The following ASCC3 variants were observed in gnomAD, a reference collection of about 807,000 sequenced individuals.
ASCC3 encodes the protein activating signal cointegrator 1 complex subunit 3, also known as ASC-1 complex subunit P200.
In ASCC3, 158 loss-of-function variants were observed where a neutral mutation model predicts 256.3. The ratio of observed to expected loss-of-function variants is 0.62; its 90% confidence interval spans 0.54 to 0.70. The LOEUF is 0.70. ASCC3 is among the 30% of genes least tolerant of loss of function. The pLI, the probability that ASCC3 is intolerant of heterozygous loss-of-function variation, is 0.00. For synonymous variants in ASCC3, 948 were observed against 883.4 expected, an observed-to-expected ratio of 1.07 and a Z score of -1.30; for missense variants, 2,259 against 2,626.0, an observed-to-expected ratio of 0.86 and a Z score of 3.05.
At chr6:100,802,510 C>T (rs1031364783) in intron 5 of ASCC3, among the ~76,000 whole-genome samples, 2 of 151,970 alleles carry the variant, frequency 1.3e-5, no homozygotes, top group South Asian at 4.1e-4. Flanking sequence ...TATAAATTAC[C>T]CAGTCTCAGG....
Position 100,509,930 on chromosome 6 carries a change from A to C in ASCC3, c.6461+2T>G. ...GAACTTTGGTAGTAGGATTCTTCTT[A>C]CCTTCCAGGTATTTCAGGGGTATAA... On this transcript the variant is annotated splice_donor_variant, in intron 41 of 41. Coordinates refer to ENST00000369162, the MANE Select transcript of ASCC3 (RefSeq NM_006828.4). LOFTEE classifies it high-confidence loss of function. 1 of 1,612,072 alleles carries C rather than the reference A, an allele frequency of 6.2e-7. No individual in the cohort carries two copies. Among genetic ancestry groups the C allele is most frequent in the Non-Finnish European group, 8.5e-7 (1 of 1,178,572 alleles).
chr6:100,573,553 A>C (rs1353428913), intron 36 of ASCC3, among the ~76,000 whole-genome samples: 1 of 152,100 alleles, frequency 6.6e-6, no homozygotes, highest in Non-Finnish European at 1.5e-5. Flanking sequence ...AAATCTAAAC[A>C]ATGTTCTACT....
rs117296907 is a variant in ASCC3, at chr6:100,603,160, T to C, written c.5178-1225A>G. ...AAACTGGAAATTCTCTAGGTGCACA[T>C]TAATAGAGAAATGAATAAATAAATT... On this transcript the variant is annotated intron_variant, in intron 33 of 41. Transcript: ENST00000369162. Among the ~76,000 whole-genome samples, 183 of 152,056 alleles carry C rather than the reference T, an allele frequency of 1.2e-3. 1 individual carries two copies. The highest frequency in any genetic ancestry group is 2.1e-3 in the Non-Finnish European group (141 of 67,936).
rs1255326268 is a variant in ASCC3 at position 100,655,690 on chromosome 6, G to T, written c.2823+9C>A. ...TCTGAATTTTTTTTTTAATAAATGA[G>T]TTTTCTACCTGATAAGCCTTGTGAC... On this transcript the variant is annotated intron_variant, in intron 17 of 41. Coordinates refer to ENST00000369162, the MANE Select transcript of ASCC3 (RefSeq NM_006828.4). 1 of 1,608,722 alleles carries T rather than the reference G, an allele frequency of 6.2e-7. No individual in the cohort carries two copies.
At chr6:100,839,781 A>C (rs1772050545) in intron 4 of ASCC3, among the ~76,000 whole-genome samples, 1 of 152,180 alleles carries the variant, frequency 6.6e-6, no homozygotes, top group African/African-American at 2.4e-5. Flanking sequence ...CCCTTCTTCC[A>C]TATACAGCTC....
chr6:100,698,013 A>T (rs1177839288), intron 13 of ASCC3, among the ~76,000 whole-genome samples: 1 of 152,160 alleles, frequency 6.6e-6, no homozygotes, highest in Non-Finnish European at 1.5e-5. Flanking sequence ...AATTCCAGAA[A>T]TCACTGATTA....
At chr6:100,718,647 C>A (rs766342882) in intron 11 of ASCC3, among the ~76,000 whole-genome samples, 1 of 151,952 alleles carries the variant, frequency 6.6e-6, no homozygotes, top group South Asian at 2.1e-4. Context: ...GTAGTCCCAA[C>A]GACTCAGGAG....
intron 37 of ASCC3, among the ~76,000 whole-genome samples, chr6:100,532,283 T>C (rs1051809275): frequency 1.3e-5 from 2 of 150,174 alleles, no homozygotes; most frequent in African/African-American, 4.9e-5. Flanking sequence ...TTTACTGTTT[T>C]TGTTTCACTC....
chr6:100,797,228 T>C (rs1769664390), intron 8 of ASCC3, among the ~76,000 whole-genome samples: 1 of 151,994 alleles, frequency 6.6e-6, no homozygotes, highest in African/African-American at 2.4e-5. Flanking sequence ...GGCGGGTGGA[T>C]CACTTGATGT....
intron 36 of ASCC3, among the ~76,000 whole-genome samples, chr6:100,571,231 C>T (rs1178293680): frequency 1.3e-5 from 2 of 152,144 alleles, no homozygotes; most frequent in South Asian, 2.1e-4. Flanking sequence ...TTTGCTTTTC[C>T]CTCTGCCCAG....
At chr6:100,850,619 A>T (rs1475488150) in intron 3 of ASCC3, among the ~76,000 whole-genome samples, 2 of 152,190 alleles carry the variant, frequency 1.3e-5, no homozygotes, top group Non-Finnish European at 2.9e-5. Flanking sequence ...CATGTGTAGA[A>T]GATTAACAGT....
At chr6:100,646,312 T>C (rs760452590) in intron 22 of ASCC3, among the ~76,000 whole-genome samples, 2 of 151,962 alleles carry the variant, frequency 1.3e-5, no homozygotes, top group Non-Finnish European at 2.9e-5. Context: ...TTTACTATTA[T>C]TATTATTATT....
chr6:100,598,164 G>A (rs1350507310), intron 34 of ASCC3, among the ~76,000 whole-genome samples: 2 of 152,128 alleles, frequency 1.3e-5, no homozygotes, highest in Admixed American at 6.5e-5. Context: ...TTATGTAGAC[G>A]GTGTGGGTTA....
In ASCC3 at chr6:100,694,668, G is replaced by A. The variant is rs141272726; in HGVS notation, c.2152-14916C>T. 3.7e-4 allele frequency among the ~76,000 whole-genome samples: 57 copies of A among 152,266 alleles called. 1 individual carries two copies. Among genetic ancestry groups the A allele is most frequent in the African/African-American group, 1.3e-3 (56 of 41,564 alleles). On this transcript the variant is annotated intron_variant, in intron 13 of 41. Coordinates refer to ENST00000369162, the MANE Select transcript of ASCC3 (RefSeq NM_006828.4). ...GGTAAAAACCAGAAGCTAGCTTGAA[G>A]GGGCTTCCACTGGCCAAATTTGGGC...
At chr6:100,837,790 G>T (rs1482888177) in intron 4 of ASCC3, among the ~76,000 whole-genome samples, 1 of 152,070 alleles carries the variant, frequency 6.6e-6, no homozygotes, top group African/African-American at 2.4e-5. Flanking sequence ...TACAGTTAGA[G>T]AGGAGGAATA....
intron 10 of ASCC3, 25 bp from the exon 11 acceptor site, chr6:100,725,728 A>C (rs1355377896): frequency 1.2e-6 from 2 of 1,611,048 alleles, no homozygotes; most frequent in African/African-American, 2.7e-5. Flanking sequence ...ACATTTTAAA[A>C]GGGGAAAGTT....
At chr6:100,588,728 G>C (rs1368286069) in intron 36 of ASCC3, among the ~76,000 whole-genome samples, 1 of 152,014 alleles carries the variant, frequency 6.6e-6, no homozygotes, top group African/African-American at 2.4e-5. Flanking sequence ...CTAGTTTCTT[G>C]TAGGGGAAAA....
intron 13 of ASCC3, among the ~76,000 whole-genome samples, chr6:100,713,278 G>A (rs1048331256): frequency 6.6e-6 from 1 of 152,016 alleles, no homozygotes; most frequent in African/African-American, 2.4e-5. Context: ...AAAGACATGC[G>A]GAACCTAGAA....
intron 3 of ASCC3, among the ~76,000 whole-genome samples, chr6:100,862,981 G>C (rs1275857217): frequency 6.6e-6 from 1 of 152,168 alleles, no homozygotes; most frequent in Non-Finnish European, 1.5e-5. Flanking sequence ...TGGTAGGTTT[G>C]AGGAAGTTGA....
Sources: gnomAD v4.1 joint callset for allele counts (sites outside exome capture counted in the v4.1 genomes callset) on GRCh38, gnomAD v4.1.1 for gene constraint, MANE v1.5 for transcripts, NCBI Gene and HGNC (gene_info 2026-07-23, HGNC 2026-07-21) for gene names.